The following CADPS2 variants were observed in gnomAD, a reference collection of about 807,000 sequenced individuals.
CADPS2 encodes the protein calcium dependent secretion activator 2.
CADPS2 carries 93 observed loss-of-function variants against 172.5 expected under a neutral mutation model. That is an observed-to-expected ratio of 0.54 (90% CI 0.46 to 0.64). The LOEUF (loss-of-function observed/expected upper bound fraction) is 0.64. Among genes scored for constraint, CADPS2 ranks in the 30% least tolerant of loss-of-function variants. The pLI, the probability that CADPS2 is intolerant of heterozygous loss-of-function variation, is 0.00. For missense variants in CADPS2, 1,420 were observed against 1,565.9 expected (o/e 0.91, Z 1.57); for synonymous variants, 546 against 555.2 (o/e 0.98, Z 0.23).
intron 6 of CADPS2, among the ~76,000 whole-genome samples, chr7:122,610,294 A>G (rs1429641597): frequency 6.6e-6 from 1 of 151,670 alleles, no homozygotes; most frequent in Non-Finnish European, 1.5e-5. Flanking sequence ...TGAAAATTAA[A>G]TAACAGCCCA....
At chr7:122,687,751 T>C (rs1370685308) in intron 2 of CADPS2, among the ~76,000 whole-genome samples, 1 of 152,150 alleles carries the variant, frequency 6.6e-6, no homozygotes, top group East Asian at 1.9e-4. Context: ...TCTTATAACA[T>C]AGTACATAGG....
chr7:122,704,202 TA>T (rs2086622380), intron 2 of CADPS2, among the ~76,000 whole-genome samples: 2 of 152,134 alleles, frequency 1.3e-5, no homozygotes, highest in Non-Finnish European at 2.9e-5. Flanking sequence ...TTCCCTGGCC[TA>T]TTTTAGTTAA....
At chr7:122,575,080 T>C (rs1051303140) in intron 7 of CADPS2, among the ~76,000 whole-genome samples, 3 of 151,956 alleles carry the variant, frequency 2.0e-5, no homozygotes, top group African/African-American at 4.8e-5. Context: ...ATGAAAAAAA[T>C]AGTCTTATTT....
At chr7:122,598,021 C>A (rs1294733778) in intron 6 of CADPS2, among the ~76,000 whole-genome samples, 1 of 151,932 alleles carries the variant, frequency 6.6e-6, no homozygotes, top group Non-Finnish European at 1.5e-5. Flanking sequence ...AAACAGATGA[C>A]ATTTTGTTGC....
At chr7:122,711,575 C>A (rs927167850) in intron 2 of CADPS2, among the ~76,000 whole-genome samples, 1 of 152,112 alleles carries the variant, frequency 6.6e-6, no homozygotes, top group Non-Finnish European at 1.5e-5. Context: ...TTGAATCCTG[C>A]AGTCCCCACA....
At chr7:122,759,566 A>C (rs1204216620) in intron 1 of CADPS2, among the ~76,000 whole-genome samples, 2 of 152,166 alleles carry the variant, frequency 1.3e-5, no homozygotes, top group South Asian at 4.1e-4. Context: ...GGTTTCAGAA[A>C]AAAAGGCTTT....
intron 1 of CADPS2, among the ~76,000 whole-genome samples, chr7:122,786,078 A>T (rs182153747): frequency 6.6e-6 from 1 of 152,170 alleles, no homozygotes; most frequent in African/African-American, 2.4e-5. Context: ...TTGTTACCAC[A>T]TTCAGATCTT....
chr7:122,606,284 G>A (rs6956116), intron 6 of CADPS2, among the ~76,000 whole-genome samples: 45,427 of 151,948 alleles, frequency 0.3, 7,213 homozygotes, highest in Non-Finnish European at 0.35. Flanking sequence ...GACTGTGAAA[G>A]GCAGGCTGAG....
rs762604584 is a variant in CADPS2, at chr7:122,615,160, C to T, written c.1223+21G>A. 49 of 1,392,636 alleles carry T rather than the reference C, an allele frequency of 3.5e-5. 1 individual carries two copies. Among genetic ancestry groups the T allele is most frequent in the East Asian group, 3.0e-4 (12 of 39,986 alleles). 86.3% of individuals were successfully genotyped at this position (1,392,636 alleles called of 1,614,324 possible). On this transcript the variant is annotated intron_variant, in intron 6 of 29. Coordinates refer to ENST00000449022, the MANE Select transcript of CADPS2 (RefSeq NM_017954.11). ...AAAAAAACAAACAACAACAATAATA[C>T]ACTTTTTTCAACTGGCTTACTGTGG...
intron 24 of CADPS2, among the ~76,000 whole-genome samples, chr7:122,383,388 T>G (rs1361608249): frequency 6.6e-6 from 1 of 151,944 alleles, no homozygotes; most frequent in Non-Finnish European, 1.5e-5. Context: ...AGTACTATGC[T>G]CAATACCCAG....
At chr7:122,845,380 C>G (rs1811716536) in intron 1 of CADPS2, among the ~76,000 whole-genome samples, 1 of 152,152 alleles carries the variant, frequency 6.6e-6, no homozygotes, top group South Asian at 2.1e-4. Flanking sequence ...AGATAAAAAA[C>G]AACCACAAGC....
At chr7:122,808,454 A>G (rs1235175600) in intron 1 of CADPS2, among the ~76,000 whole-genome samples, 1 of 152,230 alleles carries the variant, frequency 6.6e-6, no homozygotes, top group East Asian at 1.9e-4. Context: ...GTGGTATAAC[A>G]TTAATACACA....
intron 1 of CADPS2, among the ~76,000 whole-genome samples, chr7:122,853,851 G>A (rs1814406025): frequency 6.6e-6 from 1 of 152,130 alleles, no homozygotes; most frequent in South Asian, 2.1e-4. Flanking sequence ...AAAGGTAGAG[G>A]GGCATGTAGT....
chr7:122,586,342 C>T (rs770042889), intron 6 of CADPS2, among the ~76,000 whole-genome samples: 2 of 151,882 alleles, frequency 1.3e-5, no homozygotes, highest in Non-Finnish European at 2.9e-5. Flanking sequence ...GCCTTCTCAA[C>T]AGGTTGTATA....
At chr7:122,802,376 T>C (rs1344608062) in intron 1 of CADPS2, among the ~76,000 whole-genome samples, 6 of 152,236 alleles carry the variant, frequency 3.9e-5, no homozygotes, top group Non-Finnish European at 8.8e-5. Flanking sequence ...GCACTTCCTG[T>C]TCCCTCTGCG....
intron 8 of CADPS2, among the ~76,000 whole-genome samples, chr7:122,517,880 T>C (rs896184229): frequency 2.0e-5 from 3 of 151,990 alleles, no homozygotes; most frequent in Non-Finnish European, 4.4e-5. Context: ...AGATAATCCA[T>C]TTATTAGAAA....
At chr7:122,431,585 C>CA (rs948705605) in intron 17 of CADPS2, among the ~76,000 whole-genome samples, 2 of 152,166 alleles carry the variant, frequency 1.3e-5, no homozygotes, top group Non-Finnish European at 2.9e-5. Context: ...GATCAACAGA[C>CA]AGACAGTGGG....
chr7:122,728,340 T>C (rs17144754), intron 2 of CADPS2, among the ~76,000 whole-genome samples: 10,810 of 151,906 alleles, frequency 0.071, 442 homozygotes, highest in South Asian at 0.17. Flanking sequence ...ACAACTGCAA[T>C]TATTTTTAAG....
intron 1 of CADPS2, among the ~76,000 whole-genome samples, chr7:122,771,656 T>C (rs1589109183): frequency 6.6e-6 from 1 of 152,134 alleles, no homozygotes; most frequent in East Asian, 1.9e-4. Context: ...AGCCACAGTG[T>C]TGTAAAACAC....
Sources: gnomAD v4.1 joint callset for allele counts (sites outside exome capture counted in the v4.1 genomes callset) on GRCh38, gnomAD v4.1.1 for gene constraint, MANE v1.5 for transcripts, NCBI Gene and HGNC (gene_info 2026-07-23, HGNC 2026-07-21) for gene names.